LARP1: variants seen among roughly 807,000 people sequenced by gnomAD.
LARP1 encodes La ribonucleoprotein 1, translational regulator.
In LARP1, 36 loss-of-function variants were observed where a neutral mutation model predicts 122.7. The observed-to-expected ratio is 0.29, with a 90% CI of 0.22 to 0.39. LARP1 has a LOEUF of 0.39. Among genes scored for constraint, LARP1 ranks in the 10% least tolerant of loss-of-function variants. LARP1 has a pLI of 1.00. For missense variants in LARP1, 1,040 were observed against 1,403.6 expected, an observed-to-expected ratio of 0.74 and a Z score of 4.14; for synonymous variants, 539 against 528.7, an observed-to-expected ratio of 1.02 and a Z score of -0.27.
At chr5:154,773,378 TGA>T (rs949346634) in intron 1 of LARP1, among the ~76,000 whole-genome samples, 3 of 152,108 alleles carry the variant, frequency 2.0e-5, no homozygotes, top group African/African-American at 7.2e-5. Flanking sequence ...AGTTTGCTGT[TGA>T]GAGAAAGGTT....
At chr5:154,800,164 G>C (rs1243601099) in intron 10 of LARP1, 122 bp downstream of exon 10, 1 of 875,892 alleles carries the variant, frequency 1.1e-6, no homozygotes, top group Non-Finnish European at 1.7e-6. Flanking sequence ...GGTAGTTCAG[G>C]ATCATAGTGT....
chr5:154,735,394 G>A (rs1198293962), intron 1 of LARP1, among the ~76,000 whole-genome samples: 1 of 151,858 alleles, frequency 6.6e-6, no homozygotes, highest in African/African-American at 2.4e-5. Context: ...GGAGGTTGCA[G>A]TGAGCTGAGA....
intron 8 of LARP1, among the ~76,000 whole-genome samples, chr5:154,799,123 A>G (rs1758130467): frequency 6.6e-6 from 1 of 152,212 alleles, no homozygotes; most frequent in Non-Finnish European, 1.5e-5. Flanking sequence ...GGGGCTCCCA[A>G]AGTGCTAGGA....
At chr5:154,699,969 C>T (rs1754639816) in intron 1 of LARP1, among the ~76,000 whole-genome samples, 1 of 152,140 alleles carries the variant, frequency 6.6e-6, no homozygotes, top group Admixed American at 6.6e-5. Context: ...ACTCTTATTC[C>T]CATCCAGAAC....
At chr5:154,794,551 T>G in intron 7 of LARP1, among the ~76,000 whole-genome samples, 1 of 152,202 alleles carries the variant, frequency 6.6e-6, no homozygotes, top group East Asian at 1.9e-4. Context: ...ATGACAACAT[T>G]GACAGAATAC....
intron 1 of LARP1, among the ~76,000 whole-genome samples, chr5:154,764,595 CAAAAAAAAAAAA>C (rs1158921641): frequency 6.2e-4 from 28 of 44,890 alleles, no homozygotes; most frequent in African/African-American, 2.6e-3. Flanking sequence ...GACCATGTCT[CAAAAAAAAAAAA>C]AAAAAAAAAA....
intron 1 of LARP1, among the ~76,000 whole-genome samples, chr5:154,746,348 G>T (rs1261162154): frequency 6.6e-6 from 1 of 152,178 alleles, no homozygotes; most frequent in Non-Finnish European, 1.5e-5. Flanking sequence ...GACTAGTTAT[G>T]GTCATGTTGC....
Position 154,755,902 on chromosome 5 carries a change from C to T in LARP1, c.145C>T (p.Pro49Ser). The T allele has an allele frequency of 5.0e-6, 5 of 1,009,748 alleles. No homozygotes were observed. The highest frequency in any genetic ancestry group is 4.7e-6 in the Non-Finnish European group (4 of 844,388). 62.5% of individuals were successfully genotyped at this position (1,009,748 alleles called of 1,614,324 possible). The change falls in exon 1 of 19, where the codon CCG (proline) becomes TCG (serine). Residue 49 changes from proline to serine, a missense_variant. By Grantham distance (74) the Pro-to-Ser change is moderately conservative. Around this residue, in one of 8 missense-constraint regions of LARP1, gnomAD observed 257 missense variants for 273.3 expected, o/e 0.94. Coordinates refer to ENST00000518297, the MANE Select transcript of LARP1 (RefSeq NM_033551.3). ...PGPNDVRGGE[P>S]DGSARRPRPP... ...GCCAAACGACGTCCGCGGGGGGGAG[C>T]CGGACGGCAGCGCTCGGAGACCCCG...
At chr5:154,720,346 T>G (rs1344468697) in intron 1 of LARP1, among the ~76,000 whole-genome samples, 1 of 152,212 alleles carries the variant, frequency 6.6e-6, no homozygotes, top group African/African-American at 2.4e-5. Context: ...GGTCATTGCC[T>G]ACATTTATAA....
chr5:154,806,162 T>A, intron 15 of LARP1, 130 bp downstream of exon 15: 1 of 999,982 alleles, frequency 1.0e-6, no homozygotes, highest in Non-Finnish European at 1.4e-6. Flanking sequence ...CATGACATTA[T>A]AGCAAGAAAG....
At chr5:154,706,171 T>A (rs1044057098) in intron 1 of LARP1, among the ~76,000 whole-genome samples, 1 of 152,002 alleles carries the variant, frequency 6.6e-6, no homozygotes, top group African/African-American at 2.4e-5. Flanking sequence ...GGCAGGGACC[T>A]ATAATCCCAG....
rs539295617 is a variant in LARP1, at chr5:154,736,711, A to G, written c.205+23581A>G. On this transcript the variant is annotated intron_variant, in intron 1 of 18. Coordinates refer to the LARP1 transcript ENST00000336314. ...CTGCTGAGTAGCTGGGATTACAGGT[A>G]TGTGCCATCACGTCTGGCTAATTTT... Among the ~76,000 whole-genome samples, 5 of 150,918 alleles carry G rather than the reference A, an allele frequency of 3.3e-5. No individual in the cohort carries two copies. The South Asian group carries it at 1.1e-3, about 32-fold the overall frequency.
intron 8 of LARP1, among the ~76,000 whole-genome samples, chr5:154,795,744 A>G (rs1757695637): frequency 6.8e-6 from 1 of 147,856 alleles, no homozygotes; most frequent in East Asian, 2.0e-4. Context: ...ACCTAAATTA[A>G]CAGTTTAACA....
intron 1 of LARP1, among the ~76,000 whole-genome samples, chr5:154,700,827 C>A (rs553706738): frequency 6.6e-6 from 1 of 151,920 alleles, no homozygotes; most frequent in African/African-American, 2.4e-5. Context: ...GGTGGTGGCA[C>A]GTGCCTGTAA....
At chr5:154,811,803 G>A (rs1008377737) in intron 18 of LARP1, among the ~76,000 whole-genome samples, 163 bp downstream of exon 18, 8 of 152,134 alleles carry the variant, frequency 5.3e-5, no homozygotes, top group Admixed American at 5.2e-4. Context: ...TGGAGAGTGA[G>A]TGGCCAATGA....
intron 1 of LARP1, 79 bp downstream of exon 1, chr5:154,756,272 G>A (rs751623418): frequency 1.9e-5 from 20 of 1,053,636 alleles, no homozygotes; most frequent in Non-Finnish European, 2.3e-5. Context: ...GCACCTCCAG[G>A]GCCCCGGGGT....
At chr5:154,758,541 C>A (rs114408852) in intron 1 of LARP1, among the ~76,000 whole-genome samples, 4,839 of 152,192 alleles carry the variant, frequency 0.032, 127 homozygotes, top group South Asian at 0.14. Flanking sequence ...AGATGATGAC[C>A]CTTTCTCTGG....
intron 1 of LARP1, among the ~76,000 whole-genome samples, chr5:154,771,801 G>A (rs1426522305): frequency 1.3e-5 from 2 of 152,180 alleles, no homozygotes; most frequent in Admixed American, 6.5e-5. Context: ...CCACATGCAG[G>A]CCTGCTGGAA....
At chr5:154,774,959 G>GA (rs572782338) in intron 1 of LARP1, among the ~76,000 whole-genome samples, 2 of 151,936 alleles carry the variant, frequency 1.3e-5, no homozygotes, top group Non-Finnish European at 2.9e-5. Flanking sequence ...TAATTTCAGG[G>GA]AAAAAAAGAA....
Sources: allele counts gnomAD v4.1 joint callset (sites outside exome capture counted in the v4.1 genomes callset), GRCh38; gene constraint gnomAD v4.1.1; regional missense constraint gnomAD v4.1.1; transcripts MANE v1.5; gene names NCBI Gene and HGNC (gene_info 2026-07-23, HGNC 2026-07-21).